Variants in JAK3 observed in about 807,000 individuals in gnomAD.
JAK3 encodes tyrosine-protein kinase JAK3.
In JAK3, 88 loss-of-function variants were observed where a neutral mutation model predicts 120.8. The observed-to-expected ratio is 0.73, with a 90% CI of 0.61 to 0.87. The LOEUF (loss-of-function observed/expected upper bound fraction) is 0.87, where lower values mean the gene tolerates loss of function less well. JAK3 is among the 40% of genes least tolerant of loss of function. The probability of loss-of-function intolerance (pLI) is 0.00; values close to 1 mark genes in which losing one functional copy is unlikely to be tolerated. For missense variants in JAK3, 1,254 were observed against 1,501.4 expected (o/e 0.84, Z 2.72); for synonymous variants, 592 against 628.6 (o/e 0.94, Z 0.87).
intron 1 of JAK3, among the ~76,000 whole-genome samples, chr19:17,846,572 C>G (rs988319332): frequency 6.6e-6 from 1 of 152,122 alleles, no homozygotes; most frequent in East Asian, 1.9e-4. Context: ...ATCAGCCAAT[C>G]AAGTTTTTTG....
chr19:17,826,727 GGT>G lies in JAK3; in HGVS notation c.*14_*15del. The G allele has an allele frequency of 6.2e-7, 1 of 1,613,894 alleles. No homozygotes were observed. The highest frequency in any genetic ancestry group is 8.5e-7 in the Non-Finnish European group (1 of 1,179,802). On this transcript the variant is annotated 3_prime_UTR_variant, in exon 24 of 24. Coordinates refer to ENST00000458235, the MANE Select transcript of JAK3 (RefSeq NM_000215.4). ...CCAGTCAACAGAGACCTAATCCAGA[GGT>G]CTGCGGGCAGGAGCTATGAAAAGGA... is the stretch of plus-strand genomic sequence containing the variant.
Position 17,831,946 on chromosome 19 carries a change from T to C in JAK3, c.2681-148A>G. The C allele has an allele frequency of 1.1e-6, 1 of 941,236 alleles. No individual in the cohort carries two copies. Among genetic ancestry groups the C allele is most frequent in the Non-Finnish European group, 1.7e-6 (1 of 605,034 alleles). 58.3% of individuals were successfully genotyped at this position (941,236 alleles called of 1,614,324 possible). A position where few individuals can be genotyped will look rare whatever the true frequency, so the allele number is the denominator to read the frequency against. Reference sequence around the variant, plus strand: ...CCGCAACAATGACACATTGCTAATATCTCTTGAGTACTTTCTACAACATAC... The same window carrying C: ...CCGCAACAATGACACATTGCTAATACCTCTTGAGTACTTTCTACAACATAC... On this transcript the variant is annotated intron_variant, in intron 19 of 23. Transcript: ENST00000458235. This position sits in a 1 kb window ranked among gnomAD's most constrained non-coding sequence, Gnocchi z 5.1.
intron 1 of JAK3, among the ~76,000 whole-genome samples, chr19:17,847,438 GT>G (rs1681147044): frequency 6.6e-6 from 1 of 152,082 alleles, no homozygotes; most frequent in African/African-American, 2.4e-5. Context: ...AAACGCCATA[GT>G]TTTTTTGGTT....
chr19:17,835,146 C>T lies in JAK3; in HGVS notation c.1984G>A (p.Gly662Arg), dbSNP rs2147683004. The T allele has an allele frequency of 6.2e-7, 1 of 1,614,228 alleles. No individual in the cohort carries two copies. The highest frequency in any genetic ancestry group is 8.5e-7 in the Non-Finnish European group (1 of 1,180,042). Residue 662 changes from glycine (G) to arginine (R), a missense_variant, in exon 15 of 24, where the codon GGG becomes AGG. This residue lies in a region of JAK3 where 630 missense variants were observed against 819.8 expected (regional missense o/e 0.77). Coordinates refer to ENST00000458235, the MANE Select transcript of JAK3 (RefSeq NM_000215.4). ...CTCAGCTTGATGAAGGGCGGGCTCC[C>T]ATCAGCCCCCTCCCGAGCCAGGAGC... is the stretch of plus-strand genomic sequence containing the variant. ...KVLLAREGAD[G>R]SPPFIKLSDP...
chr19:17,825,110 A>G lies in JAK3; in HGVS notation c.*1633T>C. On this transcript the variant is annotated 3_prime_UTR_variant, in exon 24 of 24. Coordinates refer to ENST00000458235, the MANE Select transcript of JAK3 (RefSeq NM_000215.4). ...TGCATGAGAATCCCTCTCACCAGTC[A>G]GAAAGTTGACCCTGCACAGCCAAGG... 4.4e-6 allele frequency: 1 copy of G among 229,540 alleles called. No homozygotes were observed. The highest frequency in any genetic ancestry group is 8.6e-6 in the Non-Finnish European group (1 of 115,794). 14.2% of individuals were successfully genotyped at this position (229,540 alleles called of 1,614,324 possible).
intron 23 of JAK3, among the ~76,000 whole-genome samples, chr19:17,828,027 G>A (rs115997950): frequency 0.018 from 2,705 of 151,944 alleles, 97 homozygotes; most frequent in African/African-American, 0.063. Flanking sequence ...GTGCTTAAAG[G>A]CACCCAGCTC....
At chr19:17,836,810 C>A in intron 13 of JAK3, 1 of 482,844 alleles carries the variant, frequency 2.1e-6, no homozygotes, top group Non-Finnish European at 3.9e-6. Context: ...TCTGTCCCAG[C>A]TCCTGGCCCA....
At position 17,841,698 on chromosome 19, in the gene JAK3, A is replaced by G. The variant is rs2094239394; in HGVS notation, c.926T>C (p.Val309Ala). The G allele has an allele frequency of 1.2e-6, 2 of 1,613,684 alleles. No homozygotes were observed. The highest frequency in any genetic ancestry group is 3.3e-5 in the Admixed American group (2 of 60,020). ...VDISIKQAPR[V>A]GPAGEHRLVT... is the part of the protein sequence containing the mutation. ...CAGGCGGTGCTCTCCGGCCGGGCCA[A>G]CGCGCGGGGCCTGCTTGATGCTAAT... The change falls in exon 7 of 24, where the codon GTT becomes GCT. Residue 309 changes from valine to alanine, a missense_variant. Val to Ala is a moderately conservative substitution (Grantham distance 64). This residue lies in a region of JAK3 where 486 missense variants were observed against 503.0 expected (regional missense o/e 0.97). Transcript: ENST00000458235. This position sits in a 1 kb window ranked among gnomAD's most constrained non-coding sequence, Gnocchi z 4.1.
chr19:17,841,388 C>CGTGATGGG lies in JAK3; in HGVS notation c.1135_1142dup (p.Leu382ProfsTer86). The stretch of plus-strand genomic sequence containing the variant: ...GCCGGGAATGGGGGACAGGTCCTTA[C>CGTGATGGG]GTGATGGGGCCGTGGCACTGCTCGG... On this transcript the variant is annotated frameshift_variant and splice_region_variant. Coordinates refer to ENST00000458235, the MANE Select transcript of JAK3 (RefSeq NM_000215.4). LOFTEE classifies it high-confidence loss of function. The surrounding 1 kb of genome is among the most constrained non-coding windows in gnomAD (Gnocchi z 4.1). The CGTGATGGG allele has an allele frequency of 6.5e-7, 1 of 1,548,472 alleles. No individual in the cohort carries two copies. The highest frequency in any genetic ancestry group is 8.7e-7 in the Non-Finnish European group (1 of 1,148,018).
At position 17,841,271 on chromosome 19, in the gene JAK3, T is replaced by C. The variant is rs554644529; in HGVS notation, c.1142+118A>G. ...CACTGAGCGCTGACTGTGCGGCAGG[T>C]GTGGTTTGAAAACTTGACCCCTGTC... On this transcript the variant is annotated intron_variant, in intron 8 of 23. Transcript: ENST00000458235. This position sits in a 1 kb window ranked among gnomAD's most constrained non-coding sequence, Gnocchi z 4.1. 6.8e-4 allele frequency: 670 copies of C among 981,034 alleles called. 8 individuals carry two copies. The highest frequency in any genetic ancestry group is 2.0e-4 in the Non-Finnish European group (136 of 666,162). 60.8% of individuals were successfully genotyped at this position (981,034 alleles called of 1,614,324 possible). A position where few individuals can be genotyped will look rare whatever the true frequency, so the allele number is the denominator to read the frequency against.
At position 17,841,966 on chromosome 19, in the gene JAK3, C is replaced by T. The variant is rs1160262619; in HGVS notation, c.862-204G>A. On this transcript the variant is annotated intron_variant, in intron 6 of 23. Coordinates refer to ENST00000458235, the MANE Select transcript of JAK3 (RefSeq NM_000215.4). This position sits in a 1 kb window ranked among gnomAD's most constrained non-coding sequence, Gnocchi z 4.1. Reference sequence around the variant, plus strand: ...ATCTCCCACCCGCTCTGCCAATCCCCGCCTCCTTCTCTCTGCCGGACCCCG... The same window carrying T: ...ATCTCCCACCCGCTCTGCCAATCCCTGCCTCCTTCTCTCTGCCGGACCCCG... 3.3e-5 allele frequency among the ~76,000 whole-genome samples: 5 copies of T among 151,928 alleles called. No homozygotes were observed. Among genetic ancestry groups the T allele is most frequent in the African/African-American group, 1.2e-4 (5 of 41,332 alleles).
intron 23 of JAK3, among the ~76,000 whole-genome samples, chr19:17,827,928 A>C (rs1043465549): frequency 8.0e-5 from 12 of 149,288 alleles, no homozygotes; most frequent in East Asian, 2.0e-4. Context: ...ACAAAAAAAC[A>C]CCACCTCTCC....
rs2147700763 is a variant in JAK3, at chr19:17,844,249, C to G, written c.169G>C (p.Ala57Pro). The stretch of plus-strand genomic sequence containing the variant: ...ATGCACTCACCGCTGGCCTTGGCAG[C>G]CTGCACGCACAGGTCCTCAGCCAAG... ...DHLAEDLCVQ[A>P]AKASGILPVY... The change falls in exon 2 of 24, where the codon GCT becomes CCT. Residue 57 changes from alanine to proline, a missense_variant. Physicochemically the swap from Ala to Pro is conservative, Grantham distance 27. Around this residue, in one of 3 missense-constraint regions of JAK3, gnomAD observed 138 missense variants for 178.7 expected, o/e 0.77. Transcript: ENST00000458235. The G allele has an allele frequency of 6.3e-7, 1 of 1,598,314 alleles. No individual in the cohort carries two copies. The highest frequency in any genetic ancestry group is 8.5e-7 in the Non-Finnish European group (1 of 1,173,680).
At position 17,832,442 on chromosome 19, in the gene JAK3, G is replaced by T; in HGVS notation, c.2680+77C>A. Reference sequence around the variant, plus strand: ...TCACGTTCCCAGCCTACCTAAAGTGGCCTGGCAGGAGGGTAAGAATGTGCA... The same window carrying T: ...TCACGTTCCCAGCCTACCTAAAGTGTCCTGGCAGGAGGGTAAGAATGTGCA... On this transcript the variant is annotated intron_variant, in intron 19 of 23. Coordinates refer to ENST00000458235, the MANE Select transcript of JAK3 (RefSeq NM_000215.4). The surrounding 1 kb of genome is among the most constrained non-coding windows in gnomAD (Gnocchi z 4.7). 2.1e-6 allele frequency: 3 copies of T among 1,423,732 alleles called. No homozygotes were observed. Among genetic ancestry groups the T allele is most frequent in the Non-Finnish European group, 3.0e-6 (3 of 1,008,016 alleles). 88.2% of individuals were successfully genotyped at this position (1,423,732 alleles called of 1,614,324 possible).
At position 17,830,122 on chromosome 19, in the gene JAK3, C is replaced by A. The variant is rs953753791; in HGVS notation, c.3193G>T (p.Ala1065Ser). 2 of 1,581,558 alleles carry A rather than the reference C, an allele frequency of 1.3e-6. No homozygotes were observed. The highest frequency in any genetic ancestry group is 1.3e-5 in the African/African-American group (1 of 74,194). Residue 1065 changes from alanine to serine, a missense_variant, in exon 23 of 24, where the codon GCC (alanine) becomes TCC (serine). Coordinates refer to ENST00000458235, the MANE Select transcript of JAK3 (RefSeq NM_000215.4). ...EEGQRLPAPP[A>S]CPAEVHELMK... ...GCGGCGCTCACCTCAGCAGGGCAGG[C>A]AGGAGGCGCCGGCAGCCTCTGGCCC...
intron 22 of JAK3, 41 bp from the exon 23 acceptor site, chr19:17,830,259 C>T (rs749191059): frequency 1.3e-6 from 2 of 1,492,112 alleles, no homozygotes; most frequent in South Asian, 2.4e-5. Context: ...GGAGGAGCCT[C>T]CGTGGGTGGA....
At position 17,831,037 on chromosome 19, in the gene JAK3, G is replaced by A. The variant is rs1204655248; in HGVS notation, c.2978+191C>T. 6.7e-6 allele frequency among the ~76,000 whole-genome samples: 1 copy of A among 148,954 alleles called. No individual in the cohort carries two copies. Among genetic ancestry groups the A allele is most frequent in the Non-Finnish European group, 1.5e-5 (1 of 67,052 alleles). On this transcript the variant is annotated intron_variant, in intron 21 of 23. Transcript: ENST00000458235. This position sits in a 1 kb window ranked among gnomAD's most constrained non-coding sequence, Gnocchi z 5.1. ...AAGGCTGGGGGCCGCTGACAGCAGG[G>A]CAGCGGGAGACAGAGGAGCCAGTGC... is the stretch of plus-strand genomic sequence containing the variant.
At chr19:17,846,966 C>T (rs575386137) in intron 1 of JAK3, among the ~76,000 whole-genome samples, 1 of 151,934 alleles carries the variant, frequency 6.6e-6, no homozygotes, top group East Asian at 1.9e-4. Context: ...GGCATGATCT[C>T]GGCTCACTGC....
Position 17,843,934 on chromosome 19 carries a change from G to A in JAK3, c.185-34C>T. On this transcript the variant is annotated intron_variant, in intron 2 of 23. Coordinates refer to ENST00000458235, the MANE Select transcript of JAK3 (RefSeq NM_000215.4). This position sits in a 1 kb window ranked among gnomAD's most constrained non-coding sequence, Gnocchi z 5.4. ...GATGGTCCCATCAGCTCCCTCCTGA[G>A]TCACCCCATCTGTGCCCTTCAGGAG... is the stretch of plus-strand genomic sequence containing the variant. 1 of 1,612,514 alleles carries A rather than the reference G, an allele frequency of 6.2e-7. No homozygotes were observed. Among genetic ancestry groups the A allele is most frequent in the Non-Finnish European group, 8.5e-7 (1 of 1,179,476 alleles).
Sources: gnomAD v4.1 joint callset for allele counts (sites outside exome capture counted in the v4.1 genomes callset) on GRCh38, gnomAD v4.1.1 for gene constraint, gnomAD v4.1.1 regional missense constraint, Gnocchi (gnomAD v3.1) non-coding constraint, MANE v1.5 for transcripts, NCBI Gene and HGNC (gene_info 2026-07-23, HGNC 2026-07-21) for gene names.